ZBTB20: variants seen among roughly 807,000 people sequenced by gnomAD.
ZBTB20 encodes the protein zinc finger and BTB domain-containing protein 20.
Under a neutral mutation model 56.9 loss-of-function variants are expected in ZBTB20, and 9 were observed. The ratio of observed to expected loss-of-function variants is 0.16; its 90% CI spans 0.10 to 0.28. The LOEUF (loss-of-function observed/expected upper bound fraction) is 0.28. Among genes scored for constraint, ZBTB20 ranks in the 10% least tolerant of loss-of-function variants. The pLI is 1.00. For missense variants in ZBTB20, 655 were observed against 1,003.0 expected (o/e 0.65, Z 4.69); for synonymous variants, 417 against 420.7 (o/e 0.99, Z 0.11).
chr3:114,586,989 CTTTTTTTTTTTTTT>C (rs1195918426), intron 6 of ZBTB20, among the ~76,000 whole-genome samples: 3 of 77,012 alleles, frequency 3.9e-5, no homozygotes, highest in Admixed American at 1.9e-4. Context: ...GTATAACTCC[CTTTTTTTTTTTTTT>C]TTTTTTTTTT....
At chr3:114,785,733 C>T (rs1319856076) in intron 5 of ZBTB20, among the ~76,000 whole-genome samples, 1 of 151,872 alleles carries the variant, frequency 6.6e-6, no homozygotes, top group Non-Finnish European at 1.5e-5. Flanking sequence ...ATTAACATAT[C>T]CATCACCTCA....
At chr3:115,071,946 C>T (rs572033173) in intron 1 of ZBTB20, among the ~76,000 whole-genome samples, 15 of 152,246 alleles carry the variant, frequency 9.9e-5, no homozygotes, top group Admixed American at 3.3e-4. Flanking sequence ...GAGGGATGTG[C>T]CACGAGGATG....
At chr3:114,530,781 A>G (rs1445548027) in intron 6 of ZBTB20, among the ~76,000 whole-genome samples, 1 of 151,982 alleles carries the variant, frequency 6.6e-6, no homozygotes, top group Non-Finnish European at 1.5e-5. Context: ...TTTATTGGAC[A>G]TTTTCAGTTT....
intron 4 of ZBTB20, among the ~76,000 whole-genome samples, chr3:114,836,386 T>A (rs1352914883): frequency 6.6e-6 from 1 of 152,184 alleles, no homozygotes; most frequent in African/African-American, 2.4e-5. Context: ...GGAAACAAGA[T>A]GCTACAAGAT....
At chr3:114,437,778 G>A (rs1485938034) in intron 7 of ZBTB20, among the ~76,000 whole-genome samples, 1 of 151,876 alleles carries the variant, frequency 6.6e-6, no homozygotes, top group Non-Finnish European at 1.5e-5. Flanking sequence ...ACAGGTTTAG[G>A]AGCCAGTCAT....
intron 2 of ZBTB20, among the ~76,000 whole-genome samples, chr3:115,008,193 T>C (rs745845094): frequency 6.6e-6 from 1 of 151,940 alleles, no homozygotes; most frequent in Non-Finnish European, 1.5e-5. Context: ...GAATGCCCCA[T>C]AGATACTTCA....
intron 6 of ZBTB20, among the ~76,000 whole-genome samples, chr3:114,612,715 T>C (rs2057650360): frequency 6.6e-6 from 1 of 152,190 alleles, no homozygotes; most frequent in South Asian, 2.1e-4. Flanking sequence ...GCTTTGGATG[T>C]TGTCAGCACT....
intron 5 of ZBTB20, among the ~76,000 whole-genome samples, chr3:114,748,326 CT>C (rs764662895): frequency 0.095 from 9,080 of 96,058 alleles, 303 homozygotes; most frequent in Admixed American, 0.12. Context: ...TTCTTTCTTT[CT>C]TTCTTTCTTC....
At chr3:114,772,058 T>C (rs985050072) in intron 5 of ZBTB20, among the ~76,000 whole-genome samples, 1 of 152,182 alleles carries the variant, frequency 6.6e-6, no homozygotes, top group African/African-American at 2.4e-5. Context: ...CAGCCTTCCA[T>C]GTGAATCACC....
rs559791474 is a variant in ZBTB20, at chr3:114,850,904, C to G, written c.-417+49400G>C. Among the ~76,000 whole-genome samples, 19 of 152,228 alleles carry G rather than the reference C, an allele frequency of 1.2e-4. No individual in the cohort carries two copies. The South Asian group carries it at 3.7e-3, about 30-fold the overall frequency. ...CTGGGAAAAGAAATGAGCCACTCATCTAGTCTAAATGTCTCAGTTGAGGGA... is the reference window on the plus strand; with the variant it reads ...CTGGGAAAAGAAATGAGCCACTCATGTAGTCTAAATGTCTCAGTTGAGGGA... On this transcript the variant is annotated intron_variant, in intron 4 of 11. Coordinates refer to ENST00000675478, the MANE Select transcript of ZBTB20 (RefSeq NM_001348800.3).
chr3:114,486,150 C>G (rs868049602), intron 7 of ZBTB20, among the ~76,000 whole-genome samples: 1,188 of 17,128 alleles, frequency 0.069, 20 homozygotes, highest in Non-Finnish European at 0.089. Context: ...GGGGGGGGGG[C>G]GGTGTATGAA....
chr3:114,551,821 A>C (rs2050616096), intron 6 of ZBTB20, among the ~76,000 whole-genome samples: 1 of 152,224 alleles, frequency 6.6e-6, no homozygotes, highest in African/African-American at 2.4e-5. Context: ...TGTACCCCAG[A>C]TGTGTTTGTA....
chr3:115,056,013 T>C (rs769718463), intron 2 of ZBTB20, among the ~76,000 whole-genome samples: 13 of 152,094 alleles, frequency 8.5e-5, no homozygotes, highest in Admixed American at 2.6e-4. Context: ...AATAATTCCA[T>C]ATAAAAGTTA....
At chr3:114,645,762 T>C (rs181633357) in intron 6 of ZBTB20, among the ~76,000 whole-genome samples, 3 of 152,322 alleles carry the variant, frequency 2.0e-5, no homozygotes, top group Admixed American at 1.3e-4. Context: ...GAGAATTTAT[T>C]TACCATTTGC....
intron 4 of ZBTB20, among the ~76,000 whole-genome samples, chr3:114,833,126 A>G (rs1455470451): frequency 1.3e-5 from 2 of 152,212 alleles, no homozygotes; most frequent in Non-Finnish European, 2.9e-5. Flanking sequence ...TATTTTAAAT[A>G]GGATTCTAAA....
chr3:114,407,976 T>C (rs562953424), intron 7 of ZBTB20, among the ~76,000 whole-genome samples: 69 of 152,292 alleles, frequency 4.5e-4, no homozygotes, highest in Non-Finnish European at 9.0e-4. Context: ...AAAATTCTTA[T>C]TTATTTTGAA....
chr3:114,475,941 C>T (rs1606494), intron 7 of ZBTB20, among the ~76,000 whole-genome samples: 93,165 of 151,716 alleles, frequency 0.61, 29,520 homozygotes, highest in East Asian at 0.72. Context: ...AAATAAGCTG[C>T]CTTTATTAAT....
intron 4 of ZBTB20, among the ~76,000 whole-genome samples, chr3:114,820,397 A>G (rs1215943135): frequency 1.3e-5 from 2 of 152,184 alleles, no homozygotes; most frequent in East Asian, 3.9e-4. Context: ...AAACACATAT[A>G]TATAAACACC....
Position 114,338,702 on chromosome 3 carries a change from T to G in ZBTB20, c.*303A>C. 1 of 251,010 alleles carries G rather than the reference T, an allele frequency of 4.0e-6. No homozygotes were observed. The allele number at this position is 251,010 out of a possible 1,614,324, so 15.5% of individuals were successfully genotyped here. On this transcript the variant is annotated 3_prime_UTR_variant, in exon 12 of 12. Coordinates refer to ENST00000675478, the MANE Select transcript of ZBTB20 (RefSeq NM_001348800.3). ...TAAAAGATTTTTTTGTAAAGAAGGG[T>G]TGTATTTAGAGGCCAGTAGCTAGAG...
Sources: gnomAD v4.1 joint callset for allele counts (sites outside exome capture counted in the v4.1 genomes callset) on GRCh38, gnomAD v4.1.1 for gene constraint, MANE v1.5 for transcripts, NCBI Gene and HGNC (gene_info 2026-07-23, HGNC 2026-07-21) for gene names.